The following DNMT3A variants were observed in gnomAD, a reference collection of about 807,000 sequenced individuals.
The protein encoded by DNMT3A is DNA methyltransferase 3 alpha, also known as DNA (cytosine-5)-methyltransferase 3A.
In DNMT3A, 267 loss-of-function variants were observed where a neutral mutation model predicts 117.6. The observed-to-expected ratio is 2.27, with a 90% CI of 2.05 to 2.51. The LOEUF is 2.51. Ranked by LOEUF, DNMT3A falls within the 30% of genes most tolerant of loss-of-function variation. The pLI is 0.00. For synonymous variants in DNMT3A, 432 were observed against 474.8 expected (o/e 0.91, Z 1.17); for missense variants, 1,029 against 1,260.2 (o/e 0.82, Z 2.78).
rs900555404 is a variant in DNMT3A at position 25,304,567 on chromosome 2, G to A, written c.73-4324C>T. On this transcript the variant is annotated intron_variant, in intron 2 of 22. Coordinates refer to ENST00000321117, the MANE Select transcript of DNMT3A (RefSeq NM_022552.5). This position sits in a 1 kb window ranked among gnomAD's most constrained non-coding sequence, Gnocchi z 4.3. ...TGCCGCAAGATATGTGGCAATACTG[G>A]GGCTCTAGGAGCTTTCCAAAATGCA... Among the ~76,000 whole-genome samples the A allele has an allele frequency of 6.6e-6, 1 of 152,168 alleles. No individual in the cohort carries two copies. The highest frequency in any genetic ancestry group is 2.4e-5 in the African/African-American group (1 of 41,436).
At position 25,234,000 on chromosome 2, in the gene DNMT3A, G is replaced by A. The variant is rs960125098; in HGVS notation, c.*279C>T. 1.6e-5 allele frequency: 5 copies of A among 311,576 alleles called. No homozygotes were observed. The highest frequency in any genetic ancestry group is 1.1e-4 in the South Asian group (1 of 8,798). The allele number at this position is 311,576 out of a possible 1,614,324, so 19.3% of individuals were successfully genotyped here. On this transcript the variant is annotated 3_prime_UTR_variant, in exon 23 of 23. Transcript: ENST00000321117. ...AGAGTAGAAAATAAAAGGTCTGACC[G>A]AAAAAAAAGGGAAGGGGGAGGAAGG...
intron 2 of DNMT3A, among the ~76,000 whole-genome samples, chr2:25,310,445 G>A (rs559902822): frequency 6.6e-6 from 1 of 151,682 alleles, no homozygotes; most frequent in Non-Finnish European, 1.5e-5. Context: ...TCCCCAAGCA[G>A]CCCTGCTCTG....
chr2:25,335,362 G>A (rs1461825779), intron 1 of DNMT3A, among the ~76,000 whole-genome samples: 1 of 152,224 alleles, frequency 6.6e-6, no homozygotes, highest in East Asian at 1.9e-4. Flanking sequence ...CCACTGGCTT[G>A]GCAGGGGCAG....
In DNMT3A at chr2:25,300,769, A is replaced by ATATATG. The variant is rs2033466421; in HGVS notation, c.73-527_73-526insCATATA. Among the ~76,000 whole-genome samples, 6 of 71,568 alleles carry ATATATG rather than the reference A, an allele frequency of 8.4e-5. 1 individual carries two copies. The Admixed American group carries it at 1.1e-3, about 13-fold the overall frequency. 47.0% of individuals were successfully genotyped at this position (71,568 alleles called of 152,430 possible). A position where few individuals can be genotyped will look rare whatever the true frequency, so the allele number is the denominator to read the frequency against. The stretch of plus-strand genomic sequence containing the variant: ...TATATATATATATATATATATATAT[A>ATATATG]AATAATACATCCTTTGGGGAACTTC... On this transcript the variant is annotated intron_variant, in intron 2 of 22. Transcript: ENST00000321117.
chr2:25,295,423 G>A (rs942934770), intron 3 of DNMT3A, among the ~76,000 whole-genome samples: 1 of 152,236 alleles, frequency 6.6e-6, no homozygotes, highest in African/African-American at 2.4e-5. Context: ...CAACTAGGCC[G>A]TTGCCGATTT....
chr2:25,246,031 C>T lies in DNMT3A; in HGVS notation c.1463G>A (p.Arg488Gln), dbSNP rs566390868. 7 of 1,614,008 alleles carry T rather than the reference C, an allele frequency of 4.3e-6. No homozygotes were observed. Among genetic ancestry groups the T allele is most frequent in the Admixed American group, 3.3e-5 (2 of 60,028 alleles). Residue 488 changes from arginine (R) to glutamine (Q), a missense_variant, in exon 12 of 23, where the codon CGG (arginine) becomes CAG (glutamine). Transcript: ENST00000321117. ...GGCAACAAACTTACCCTCAATGTTC[C>T]GGCACTTCTGCCGCACCTCGTACAC... The part of the protein sequence containing the change: ...RLVYEVRQKC[R>Q]NIEDICISCG...
chr2:25,275,596 G>A, intron 4 of DNMT3A, 53 bp from the exon 5 acceptor site: 2 of 1,543,436 alleles, frequency 1.3e-6, no homozygotes, highest in Non-Finnish European at 1.7e-6. Context: ...AGAATTACTG[G>A]AGTGGCTCAC....
chr2:25,336,492 C>A (rs1487716832), intron 1 of DNMT3A, among the ~76,000 whole-genome samples: 2 of 152,266 alleles, frequency 1.3e-5, no homozygotes, highest in Non-Finnish European at 2.9e-5. Flanking sequence ...TTAATCGTCA[C>A]AACCCCCTGG....
rs941650602 is a variant in DNMT3A, at chr2:25,282,083, G to A, written c.448+358C>T. The A allele has an allele frequency of 5.6e-5, 64 of 1,143,524 alleles. No homozygotes were observed. The highest frequency in any genetic ancestry group is 6.7e-5 in the Non-Finnish European group (61 of 906,596). The allele number at this position is 1,143,524 out of a possible 1,614,324, so 70.8% of individuals were successfully genotyped here. A position where few individuals can be genotyped will look rare whatever the true frequency, so the allele number is the denominator to read the frequency against. On this transcript the variant is annotated intron_variant, in intron 4 of 22. Transcript: ENST00000321117. This position sits in a 1 kb window ranked among gnomAD's most constrained non-coding sequence, Gnocchi z 5.2. ...AGGCCCACAACCAGCCACAGAAGGC[G>A]ATGGAGGGACCGCCATTATCCCAGT...
At chr2:25,289,082 G>A (rs190098541) in intron 3 of DNMT3A, among the ~76,000 whole-genome samples, 3 of 150,496 alleles carry the variant, frequency 2.0e-5, no homozygotes, top group Admixed American at 6.6e-5. Flanking sequence ...CTCCCTCCTC[G>A]ACTGTGAGCC....
In DNMT3A at chr2:25,282,341, C is replaced by G; in HGVS notation, c.448+100G>C. The G allele has an allele frequency of 6.5e-7, 1 of 1,529,580 alleles. No individual in the cohort carries two copies. The highest frequency in any genetic ancestry group is 8.8e-7 in the Non-Finnish European group (1 of 1,133,498). The allele number at this position is 1,529,580 out of a possible 1,614,324, so 94.8% of individuals were successfully genotyped here. ...TGGCAAGCAGACCTTTAGCCACGAC[C>G]CAGACCATCCTTCCTGGGACCTGCT... On this transcript the variant is annotated intron_variant, in intron 4 of 22. Coordinates refer to ENST00000321117, the MANE Select transcript of DNMT3A (RefSeq NM_022552.5). This position sits in a 1 kb window ranked among gnomAD's most constrained non-coding sequence, Gnocchi z 5.2.
In DNMT3A at chr2:25,227,985, C is replaced by T. The variant is rs868127022; in HGVS notation, c.*6294G>A. On this transcript the variant is annotated 3_prime_UTR_variant, in exon 23 of 23. Coordinates refer to ENST00000321117, the MANE Select transcript of DNMT3A (RefSeq NM_022552.5). ...GGCACAAAAAAAAATGTGATGAAGG[C>T]GGAACTGACAGACTTTCTACATCTG... 1.3e-5 allele frequency: 2 copies of T among 151,328 alleles called. No individual in the cohort carries two copies. Among genetic ancestry groups the T allele is most frequent in the Admixed American group, 6.6e-5 (1 of 15,188 alleles). The allele number at this position is 151,328 out of a possible 1,614,324, so 9.4% of individuals were successfully genotyped here. A position where few individuals can be genotyped will look rare whatever the true frequency, so the allele number is the denominator to read the frequency against.
At chr2:25,303,882 G>A (rs961626743) in intron 2 of DNMT3A, among the ~76,000 whole-genome samples, 3 of 152,264 alleles carry the variant, frequency 2.0e-5, no homozygotes, top group Non-Finnish European at 4.4e-5. Flanking sequence ...CTCCAAGGAA[G>A]CGTAGCAAGT....
intron 5 of DNMT3A, among the ~76,000 whole-genome samples, 198 bp downstream of exon 5, chr2:25,275,302 C>T (rs1317655717): frequency 6.6e-6 from 1 of 152,146 alleles, no homozygotes; most frequent in Non-Finnish European, 1.5e-5. Flanking sequence ...CGAAGGGAGG[C>T]GTCTGGCCTC....
At chr2:25,245,663 C>T (rs527684167) in intron 12 of DNMT3A, among the ~76,000 whole-genome samples, 37 of 152,300 alleles carry the variant, frequency 2.4e-4, no homozygotes, top group Middle Eastern at 3.4e-3. Context: ...CCTCCCAGGC[C>T]GAGGGTCCTG....
rs920411158 is a variant in DNMT3A, at chr2:25,252,953, G to A, written c.640-4701C>T. Among the ~76,000 whole-genome samples, 2 of 152,218 alleles carry A rather than the reference G, an allele frequency of 1.3e-5. No individual in the cohort carries two copies. Among genetic ancestry groups the A allele is most frequent in the South Asian group, 4.1e-4 (2 of 4,824 alleles). The stretch of plus-strand genomic sequence containing the variant: ...TAGAGAAGCGGGGGGGCCTCAAAAA[G>A]CGCGGCGTGAGGAGGTCAGGCTTCG... On this transcript the variant is annotated intron_variant, in intron 6 of 22. Transcript: ENST00000321117. This position sits in a 1 kb window ranked among gnomAD's most constrained non-coding sequence, Gnocchi z 5.5.
At chr2:25,335,956 G>GA (rs796197568) in intron 1 of DNMT3A, among the ~76,000 whole-genome samples, 75 of 142,626 alleles carry the variant, frequency 5.3e-4, no homozygotes, top group Admixed American at 9.8e-4. Context: ...AGCTGCTGCT[G>GA]AAAAAAAAAA....
In DNMT3A at chr2:25,233,251, C is replaced by T. The variant is rs1672974797; in HGVS notation, c.*1028G>A. ...CCCCTTTTTGGCAGGGAGAACCTGG[C>T]TCCCAAGTTCTCCTCCTTCACTTCG... is the stretch of plus-strand genomic sequence containing the variant. On this transcript the variant is annotated 3_prime_UTR_variant, in exon 23 of 23. Transcript: ENST00000321117. The T allele has an allele frequency of 8.6e-6, 2 of 233,776 alleles. No homozygotes were observed. The highest frequency in any genetic ancestry group is 1.7e-5 in the Non-Finnish European group (2 of 118,020). 14.5% of individuals were successfully genotyped at this position (233,776 alleles called of 1,614,324 possible).
rs892342441 is a variant in DNMT3A, at chr2:25,241,871, T to A, written c.1937-164A>T. Reference sequence around the variant, plus strand: ...AAATCCTTTCTGGATCCAACTGGAGTATCCATAGTAAGGACATCGAGGCTC... The same window carrying A: ...AAATCCTTTCTGGATCCAACTGGAGAATCCATAGTAAGGACATCGAGGCTC... On this transcript the variant is annotated intron_variant, in intron 16 of 22. Transcript: ENST00000321117. 4.6e-6 allele frequency: 4 copies of A among 869,558 alleles called. No homozygotes were observed. In the African/African-American group the frequency reaches 6.9e-5, roughly 15 times the overall value. The allele number at this position is 869,558 out of a possible 1,614,324, so 53.9% of individuals were successfully genotyped here. A position where few individuals can be genotyped will look rare whatever the true frequency, so the allele number is the denominator to read the frequency against.
Sources: allele counts gnomAD v4.1 joint callset (sites outside exome capture counted in the v4.1 genomes callset), GRCh38; gene constraint gnomAD v4.1.1; non-coding constraint Gnocchi (gnomAD v3.1); transcripts MANE v1.5; gene names NCBI Gene and HGNC (gene_info 2026-07-23, HGNC 2026-07-21).